ASIC2: variants seen among roughly 807,000 people sequenced by gnomAD.
ASIC2 encodes acid-sensing ion channel 2.
Under a neutral mutation model 57.3 loss-of-function variants are expected in ASIC2, and 25 were observed. The observed-to-expected ratio is 0.44, with a 90% CI of 0.32 to 0.61. The LOEUF is 0.61. ASIC2 is among the 20% of genes least tolerant of loss of function. The pLI, the probability that ASIC2 is intolerant of heterozygous loss-of-function variation, is 0.06. For synonymous variants in ASIC2, 319 were observed against 307.5 expected (o/e 1.04, Z -0.39); for missense variants, 641 against 738.1 (o/e 0.87, Z 1.52).
At chr17:33,446,651 C>A (rs930250028) in intron 1 of ASIC2, among the ~76,000 whole-genome samples, 4 of 152,172 alleles carry the variant, frequency 2.6e-5, no homozygotes, top group African/African-American at 9.7e-5. Context: ...TCCTACCCAT[C>A]CTGTTATTGA....
At chr17:33,723,271 A>G (rs1271147883) in intron 1 of ASIC2, among the ~76,000 whole-genome samples, 3 of 152,198 alleles carry the variant, frequency 2.0e-5, no homozygotes, top group African/African-American at 4.8e-5. Context: ...ATCCAAACAC[A>G]TGGATGATTT....
chr17:33,988,639 C>T (rs1905905541), intron 1 of ASIC2, among the ~76,000 whole-genome samples: 1 of 151,944 alleles, frequency 6.6e-6, no homozygotes, highest in Admixed American at 6.6e-5. Context: ...TTTCTGCTTG[C>T]CTTTCCTCCA....
intron 1 of ASIC2, among the ~76,000 whole-genome samples, chr17:33,154,158 A>G (rs541413947): frequency 2.0e-5 from 3 of 152,088 alleles, no homozygotes; most frequent in Non-Finnish European, 4.4e-5. Context: ...ACCTCAGACA[A>G]TGTACTTCTG....
chr17:33,444,579 C>A (rs532030321), intron 1 of ASIC2, among the ~76,000 whole-genome samples: 44 of 148,646 alleles, frequency 3.0e-4, no homozygotes, highest in African/African-American at 1.1e-3. Context: ...CAGGCTCCCT[C>A]CCCCGGTTGG....
intron 3 of ASIC2, among the ~76,000 whole-genome samples, chr17:33,077,260 C>A (rs2092092459): frequency 6.6e-6 from 1 of 152,110 alleles, no homozygotes; most frequent in South Asian, 2.1e-4. Context: ...ACACACAGCA[C>A]ATAAATCGGG....
chr17:33,329,054 G>T (rs941770319), intron 1 of ASIC2, among the ~76,000 whole-genome samples: 2 of 151,772 alleles, frequency 1.3e-5, no homozygotes, highest in Non-Finnish European at 2.9e-5. Flanking sequence ...TCTATAAGAG[G>T]CAGGAAAAAA....
intron 1 of ASIC2, among the ~76,000 whole-genome samples, chr17:33,903,943 C>T (rs1489817862): frequency 6.6e-6 from 1 of 152,000 alleles, no homozygotes; most frequent in Non-Finnish European, 1.5e-5. Context: ...GCTTGTGGAT[C>T]ACCTGAGGTT....
intron 1 of ASIC2, among the ~76,000 whole-genome samples, chr17:33,979,121 G>C (rs1011060731): frequency 6.6e-6 from 1 of 152,144 alleles, no homozygotes; most frequent in South Asian, 2.1e-4. Flanking sequence ...CCAGGAGAGA[G>C]GAGGGTGGGC....
intron 1 of ASIC2, among the ~76,000 whole-genome samples, chr17:33,941,670 A>G (rs1916194773): frequency 6.6e-6 from 1 of 152,236 alleles, no homozygotes; most frequent in Non-Finnish European, 1.5e-5. Context: ...CCCACAGAGC[A>G]GTGGCTATTT....
At chr17:33,907,665 A>T (rs771428567) in intron 1 of ASIC2, among the ~76,000 whole-genome samples, 1 of 152,054 alleles carries the variant, frequency 6.6e-6, no homozygotes, top group Non-Finnish European at 1.5e-5. Flanking sequence ...TGCCTCCCCA[A>T]GTTGTACATC....
At chr17:33,142,418 C>A (rs1904352914) in intron 1 of ASIC2, among the ~76,000 whole-genome samples, 1 of 152,210 alleles carries the variant, frequency 6.6e-6, no homozygotes, top group South Asian at 2.1e-4. Flanking sequence ...TGCTTCTGAA[C>A]ATTTATAGAT....
At chr17:33,545,602 A>T (rs1378814796) in intron 1 of ASIC2, among the ~76,000 whole-genome samples, 9 of 152,154 alleles carry the variant, frequency 5.9e-5, no homozygotes, top group African/African-American at 2.2e-4. Context: ...CCTCTTCTTA[A>T]CCACTTCTGT....
chr17:33,938,688 G>A (rs1275527008), intron 1 of ASIC2, among the ~76,000 whole-genome samples: 1 of 152,194 alleles, frequency 6.6e-6, no homozygotes, highest in Non-Finnish European at 1.5e-5. Flanking sequence ...GGGCTACTGT[G>A]TATGCAGTGC....
intron 1 of ASIC2, among the ~76,000 whole-genome samples, chr17:33,425,904 G>A (rs1392399699): frequency 1.3e-5 from 2 of 152,096 alleles, no homozygotes; most frequent in African/African-American, 2.4e-5. Flanking sequence ...CCTGCCCCTA[G>A]GAGACCCGGT....
chr17:33,024,956 T>A (rs1278189867), intron 5 of ASIC2, among the ~76,000 whole-genome samples: 2 of 152,184 alleles, frequency 1.3e-5, no homozygotes, highest in African/African-American at 4.8e-5. Flanking sequence ...CCATTTTAAC[T>A]AGTGTCAGAG....
intron 1 of ASIC2, among the ~76,000 whole-genome samples, chr17:33,406,677 G>A (rs1008634844): frequency 4.6e-5 from 7 of 152,228 alleles, no homozygotes; most frequent in Non-Finnish European, 7.3e-5. Context: ...GTGGCCAGCA[G>A]ATGGTAAGGG....
intron 1 of ASIC2, among the ~76,000 whole-genome samples, chr17:33,501,497 C>T (rs1171163199): frequency 6.6e-6 from 1 of 152,230 alleles, no homozygotes; most frequent in African/African-American, 2.4e-5. Flanking sequence ...CTTGAAGTCA[C>T]ACAGCAAATA....
intron 1 of ASIC2, among the ~76,000 whole-genome samples, chr17:33,208,546 G>T (rs1019270035): frequency 3.9e-5 from 6 of 152,016 alleles, no homozygotes; most frequent in African/African-American, 1.4e-4. Flanking sequence ...TTTTCCTTTA[G>T]GTTTCAGCTT....
At chr17:34,150,565 A>C (rs1904476434) in intron 1 of ASIC2, among the ~76,000 whole-genome samples, 1 of 152,214 alleles carries the variant, frequency 6.6e-6, no homozygotes, top group Admixed American at 6.5e-5. Context: ...GTGGCTAAAA[A>C]ACTAGGGTGT....
Sources: gnomAD v4.1 joint callset for allele counts (sites outside exome capture counted in the v4.1 genomes callset) on GRCh38, gnomAD v4.1.1 for gene constraint, MANE v1.5 for transcripts, NCBI Gene and HGNC (gene_info 2026-07-23, HGNC 2026-07-21) for gene names.